SPAG16: variants seen among roughly 807,000 people sequenced by gnomAD.
SPAG16 encodes the protein sperm-associated antigen 16 protein.
Under a neutral mutation model 80.4 loss-of-function variants are expected in SPAG16, and 86 were observed. The ratio of observed to expected loss-of-function variants is 1.07; its 90% confidence interval spans 0.90 to 1.28. The LOEUF (loss-of-function observed/expected upper bound fraction) is 1.28. SPAG16 is among the 50% of genes most tolerant of loss of function. The pLI is 0.00. For missense variants in SPAG16, 870 were observed against 765.3 expected (o/e 1.14, Z -1.61); for synonymous variants, 294 against 265.9 (o/e 1.11, Z -1.03).
At chr2:213,862,424 C>T in intron 10 of SPAG16, 61 bp from the exon 11 acceptor site, 1 of 1,576,786 alleles carries the variant, frequency 6.3e-7, no homozygotes, top group South Asian at 1.1e-5. Flanking sequence ...TTCATTTATT[C>T]ATATTCTGAA....
chr2:213,513,322 G>A (rs2075300096), intron 10 of SPAG16, among the ~76,000 whole-genome samples: 1 of 152,156 alleles, frequency 6.6e-6, no homozygotes. Flanking sequence ...CCACTTTGAG[G>A]ATGGGGACCT....
At chr2:213,993,213 T>C (rs2106458122) in intron 12 of SPAG16, among the ~76,000 whole-genome samples, 1 of 152,296 alleles carries the variant, frequency 6.6e-6, no homozygotes, top group Admixed American at 6.5e-5. Flanking sequence ...AGAAGGTATA[T>C]TTGTTTATTT....
intron 12 of SPAG16, among the ~76,000 whole-genome samples, chr2:213,979,506 G>A (rs983688544): frequency 2.6e-5 from 4 of 152,088 alleles, no homozygotes. Context: ...GAAGTCAAAG[G>A]AGAAGCAGGA....
chr2:213,865,189 C>T (rs1216421712), intron 11 of SPAG16, among the ~76,000 whole-genome samples: 1 of 151,860 alleles, frequency 6.6e-6, no homozygotes, highest in East Asian at 1.9e-4. Context: ...TTTTTGAGTT[C>T]ATTTATGGTT....
intron 10 of SPAG16, among the ~76,000 whole-genome samples, chr2:213,653,549 C>T (rs2063102094): frequency 6.6e-6 from 1 of 152,138 alleles, no homozygotes; most frequent in African/African-American, 2.4e-5. Context: ...AATGCCTTTG[C>T]TATGATTTTA....
At chr2:214,173,933 A>G (rs1010060629) in intron 15 of SPAG16, among the ~76,000 whole-genome samples, 3 of 151,764 alleles carry the variant, frequency 2.0e-5, no homozygotes, top group Non-Finnish European at 2.9e-5. Flanking sequence ...ATGCAAATCA[A>G]TAAATGTAAT....
intron 12 of SPAG16, among the ~76,000 whole-genome samples, chr2:213,940,363 T>C (rs2079148045): frequency 6.6e-6 from 1 of 152,204 alleles, no homozygotes; most frequent in Admixed American, 6.5e-5. Flanking sequence ...CATAGCTCAC[T>C]GTAGCCTGGA....
At chr2:214,315,515 TTATTTATTTATTTA>T (rs1695622916) in intron 15 of SPAG16, among the ~76,000 whole-genome samples, 1 of 123,094 alleles carries the variant, frequency 8.1e-6, no homozygotes. Context: ...ATTTATTTAT[TTATTTATTTATTTA>T]TTTATTTATT....
chr2:213,954,484 G>A (rs2044016438), intron 12 of SPAG16, among the ~76,000 whole-genome samples: 1 of 151,700 alleles, frequency 6.6e-6, no homozygotes, highest in Admixed American at 6.6e-5. Context: ...GTTTTTGTTT[G>A]GACATATGTT....
At chr2:213,772,034 T>C (rs1330626325) in intron 10 of SPAG16, among the ~76,000 whole-genome samples, 2 of 152,204 alleles carry the variant, frequency 1.3e-5, no homozygotes, top group East Asian at 3.8e-4. Flanking sequence ...TATAAATTAC[T>C]TTGGGCACTT....
rs373441289 is a variant in SPAG16 at position 214,149,243 on chromosome 2, A to G, written c.1697A>G (p.Asn566Ser). ...VSIDIGPSPG[N>S]EVNFDSSGRV... ...ATCGATATAGGTCCAAGTCCTGGCA[A>G]TGAGGTGAATTTTGATTCATCAGGT... The change falls in exon 15 of 16, where the codon AAT becomes AGT. Residue 566 changes from asparagine to serine, a missense_variant. Transcript: ENST00000331683. The G allele has an allele frequency of 7.0e-6, 11 of 1,580,420 alleles. No individual in the cohort carries two copies. The highest frequency in any genetic ancestry group is 2.7e-5 in the African/African-American group (2 of 73,980).
chr2:213,641,058 T>A (rs2090299), intron 10 of SPAG16, among the ~76,000 whole-genome samples: 62,780 of 151,898 alleles, frequency 0.41, 13,559 homozygotes, highest in Middle Eastern at 0.52. Context: ...AACCATCAGG[T>A]CGGGGCAGGG....
At chr2:213,575,116 T>C (rs1340305680) in intron 10 of SPAG16, among the ~76,000 whole-genome samples, 3 of 152,154 alleles carry the variant, frequency 2.0e-5, no homozygotes, top group Non-Finnish European at 4.4e-5. Context: ...ATGCTACTAG[T>C]ATCTCTAAAG....
chr2:214,045,570 A>G (rs983623167), intron 13 of SPAG16, among the ~76,000 whole-genome samples: 32 of 152,190 alleles, frequency 2.1e-4, no homozygotes, highest in Non-Finnish European at 4.1e-4. Context: ...TGGGGGTTAG[A>G]GCACCAAGCA....
At chr2:213,339,189 G>A (rs73987993) in intron 5 of SPAG16, among the ~76,000 whole-genome samples, 14,907 of 152,146 alleles carry the variant, frequency 0.098, 1,905 homozygotes, top group African/African-American at 0.29. Flanking sequence ...CATCCCATAC[G>A]CTGATCCTCA....
rs1246369875 is a variant in SPAG16 at position 213,985,711 on chromosome 2, G to A, written c.1401-28240G>A. Among the ~76,000 whole-genome samples, 7 of 151,988 alleles carry A rather than the reference G, an allele frequency of 4.6e-5. 1 individual carries two copies. In the South Asian group the frequency reaches 1.2e-3, roughly 27 times the overall value. On this transcript the variant is annotated intron_variant, in intron 12 of 15. Transcript: ENST00000331683. ...ATAATCAGCACTCTTAGGGTGTGTG[G>A]GCAAAGAGAGAGGGAATAAAAGGAT...
intron 7 of SPAG16, among the ~76,000 whole-genome samples, chr2:213,355,809 C>A (rs6739393): frequency 6.6e-6 from 1 of 152,002 alleles, no homozygotes; most frequent in East Asian, 1.9e-4. Flanking sequence ...GTCATCTGCA[C>A]GCAGGGACAA....
At chr2:213,485,763 A>G (rs1484309107) in intron 9 of SPAG16, among the ~76,000 whole-genome samples, 1 of 152,112 alleles carries the variant, frequency 6.6e-6, no homozygotes, top group East Asian at 1.9e-4. Context: ...TGTTAGTTCA[A>G]TGAACAGCAA....
chr2:213,324,556 C>A (rs963024757), intron 5 of SPAG16, among the ~76,000 whole-genome samples: 1 of 152,088 alleles, frequency 6.6e-6, no homozygotes, highest in Non-Finnish European at 1.5e-5. Context: ...AAAGTCTGTA[C>A]AATGTATTAT....
Sources: gnomAD v4.1 joint callset for allele counts (sites outside exome capture counted in the v4.1 genomes callset) on GRCh38, gnomAD v4.1.1 for gene constraint, MANE v1.5 for transcripts, NCBI Gene and HGNC (gene_info 2026-07-23, HGNC 2026-07-21) for gene names.